Variants in SBF2 observed in about 807,000 individuals in gnomAD.
SBF2 encodes myotubularin-related protein 13.
Under a neutral mutation model 225.2 loss-of-function variants are expected in SBF2, and 112 were observed. The observed-to-expected ratio is 0.50, with a 90% CI of 0.43 to 0.58. The LOEUF is 0.58. Ranked by LOEUF, SBF2 falls within the 20% of genes least tolerant of loss-of-function variation. The pLI is 0.00. For missense variants in SBF2, 1,996 were observed against 2,206.2 expected (o/e 0.90, Z 1.91); for synonymous variants, 763 against 773.3 (o/e 0.99, Z 0.22).
intron 1 of SBF2, among the ~76,000 whole-genome samples, chr11:10,278,712 G>C (rs1469322201): frequency 1.3e-5 from 2 of 151,432 alleles, no homozygotes; most frequent in Non-Finnish European, 2.9e-5. Context: ...GAATCGGGGA[G>C]GCAGAGGTTG....
chr11:10,027,243 A>G, intron 6 of SBF2, among the ~76,000 whole-genome samples: 1 of 152,202 alleles, frequency 6.6e-6, no homozygotes, highest in East Asian at 1.9e-4. Context: ...ATTATTTTAG[A>G]GTTGGCATGA....
At chr11:10,184,548 C>T (rs1435598377) in intron 2 of SBF2, among the ~76,000 whole-genome samples, 1 of 152,158 alleles carries the variant, frequency 6.6e-6, no homozygotes, top group Non-Finnish European at 1.5e-5. Context: ...TGTTGTGCAA[C>T]TAAACTCCAA....
rs534316384 is a variant in SBF2, at chr11:9,983,172, C to T, written c.1395+6325G>A. On this transcript the variant is annotated intron_variant, in intron 13 of 39. Transcript: ENST00000256190. ...CAGCTGGGAGGCGGATAGCCTCGGG[C>T]AAGTTTTCAAGCCCGTCTGGCAGCC... Among the ~76,000 whole-genome samples, 7 of 152,310 alleles carry T rather than the reference C, an allele frequency of 4.6e-5. No individual in the cohort carries two copies. In the South Asian group the frequency reaches 1.4e-3, roughly 32 times the overall value.
rs1962519345 is a variant in SBF2 at position 10,271,964 on chromosome 11, G to A, written c.55+22051C>T. 19 of 691,168 alleles carry A rather than the reference G, an allele frequency of 2.7e-5. 3 individuals carry two copies. Among genetic ancestry groups the A allele is most frequent in the Non-Finnish European group, 4.3e-5 (19 of 443,616 alleles). 42.8% of individuals were successfully genotyped at this position (691,168 alleles called of 1,614,324 possible). A position where few individuals can be genotyped will look rare whatever the true frequency, so the allele number is the denominator to read the frequency against. On this transcript the variant is annotated intron_variant, in intron 1 of 39. Transcript: ENST00000256190. ...GGAAAGGGCTGAAATATCTCTAAAAGTTAGGTAAAAGTGTTTTCTTGAGAC... is the reference window on the plus strand; with the variant it reads ...GGAAAGGGCTGAAATATCTCTAAAAATTAGGTAAAAGTGTTTTCTTGAGAC...
In SBF2 at chr11:9,998,465, G is replaced by A. The variant is rs921067596; in HGVS notation, c.862-86C>T. ...ATTTTTCCCTTGACTAATTCAAAAC[G>A]AGAAGAATCAGATGTGGAAGAGACT... is the stretch of plus-strand genomic sequence containing the variant. On this transcript the variant is annotated intron_variant, in intron 8 of 39. Coordinates refer to ENST00000256190, the MANE Select transcript of SBF2 (RefSeq NM_030962.4). 5.0e-5 allele frequency: 38 copies of A among 760,552 alleles called. No individual in the cohort carries two copies. In the African/African-American group the frequency reaches 5.9e-4, roughly 12 times the overall value. 47.1% of individuals were successfully genotyped at this position (760,552 alleles called of 1,614,324 possible). A position where few individuals can be genotyped will look rare whatever the true frequency, so the allele number is the denominator to read the frequency against.
chr11:10,001,935 T>C (rs1411712130), intron 7 of SBF2, among the ~76,000 whole-genome samples: 1 of 152,300 alleles, frequency 6.6e-6, no homozygotes, highest in African/African-American at 2.4e-5. Flanking sequence ...ATTAGAGGTA[T>C]AATATTCTAG....
intron 21 of SBF2, 30 bp from the exon 22 acceptor site, chr11:9,850,248 T>C (rs368166313): frequency 1.0e-4 from 162 of 1,601,198 alleles, no homozygotes; most frequent in African/African-American, 9.1e-4. Flanking sequence ...GATTGATTGA[T>C]TGATTGACTA....
intron 1 of SBF2, among the ~76,000 whole-genome samples, chr11:10,242,931 C>T (rs1419551360): frequency 6.6e-6 from 1 of 152,130 alleles, no homozygotes; most frequent in African/African-American, 2.4e-5. Flanking sequence ...ATCATCCAGA[C>T]AGAAGATCAA....
At chr11:9,791,659 A>G (rs1347654602) in intron 33 of SBF2, among the ~76,000 whole-genome samples, 1 of 152,218 alleles carries the variant, frequency 6.6e-6, no homozygotes, top group Non-Finnish European at 1.5e-5. Context: ...GATATTAGTT[A>G]TTTTAAAAGT....
intron 2 of SBF2, among the ~76,000 whole-genome samples, chr11:10,064,156 A>G (rs1950553611): frequency 6.6e-6 from 1 of 152,180 alleles, no homozygotes; most frequent in South Asian, 2.1e-4. Flanking sequence ...TATAGCATAT[A>G]TAAAACTACA....
intron 15 of SBF2, among the ~76,000 whole-genome samples, chr11:9,963,368 G>C (rs1159598133): frequency 6.6e-6 from 1 of 152,176 alleles, no homozygotes; most frequent in Non-Finnish European, 1.5e-5. Context: ...GGGAGGCTGA[G>C]GCAGGAGAAT....
intron 2 of SBF2, among the ~76,000 whole-genome samples, chr11:10,186,062 C>T (rs1392653990): frequency 6.6e-6 from 1 of 152,128 alleles, no homozygotes; most frequent in Non-Finnish European, 1.5e-5. Flanking sequence ...ATTTAATCTT[C>T]CAGGCTATTT....
intron 1 of SBF2, among the ~76,000 whole-genome samples, chr11:10,284,304 A>G (rs1318506246): frequency 6.6e-6 from 1 of 152,068 alleles, no homozygotes; most frequent in East Asian, 1.9e-4. Flanking sequence ...GTTCTATGCA[A>G]TTTTATCACA....
intron 1 of SBF2, among the ~76,000 whole-genome samples, chr11:10,277,708 A>G (rs572635525): frequency 6.6e-6 from 1 of 152,288 alleles, no homozygotes; most frequent in South Asian, 2.1e-4. Context: ...AAAGAAAAGA[A>G]AGGGAGATTT....
chr11:9,892,467 C>CT (rs1345806129), intron 17 of SBF2, among the ~76,000 whole-genome samples: 20 of 152,018 alleles, frequency 1.3e-4, no homozygotes, highest in African/African-American at 4.6e-4. Flanking sequence ...GGAAGGAAAC[C>CT]AATGGTTCAG....
intron 1 of SBF2, among the ~76,000 whole-genome samples, chr11:10,263,861 A>G (rs1469339443): frequency 6.6e-6 from 1 of 152,224 alleles, no homozygotes; most frequent in Non-Finnish European, 1.5e-5. Flanking sequence ...TAAAAACGAA[A>G]AAACAACAAT....
Position 9,807,914 on chromosome 11 carries a change from C to T in SBF2, c.4443+86G>A, listed in dbSNP as rs539103412. On this transcript the variant is annotated intron_variant, in intron 32 of 39. Coordinates refer to ENST00000256190, the MANE Select transcript of SBF2 (RefSeq NM_030962.4). ...AATCAGAGTTATGACAGGAAGGTAC[C>T]GGGCACACCATCGCAATGCTCCATC... The T allele has an allele frequency of 2.3e-5, 27 of 1,186,448 alleles. 1 individual carries two copies. Among genetic ancestry groups the T allele is most frequent in the African/African-American group, 1.8e-4 (12 of 66,880 alleles). The allele number at this position is 1,186,448 out of a possible 1,614,324, so 73.5% of individuals were successfully genotyped here.
intron 1 of SBF2, among the ~76,000 whole-genome samples, chr11:10,277,024 G>C (rs1963003272): frequency 2.6e-5 from 4 of 151,642 alleles, no homozygotes; most frequent in Non-Finnish European, 1.5e-5. Context: ...TTGAGGCCAG[G>C]GGTTCCAGGC....
chr11:10,206,538 A>T (rs2135370067), intron 1 of SBF2, among the ~76,000 whole-genome samples: 1 of 152,248 alleles, frequency 6.6e-6, no homozygotes, highest in South Asian at 2.1e-4. Flanking sequence ...ACAGACATGA[A>T]TCAGATGGAA....
Sources: allele counts gnomAD v4.1 joint callset (sites outside exome capture counted in the v4.1 genomes callset), GRCh38; gene constraint gnomAD v4.1.1; transcripts MANE v1.5; gene names NCBI Gene and HGNC (gene_info 2026-07-23, HGNC 2026-07-21).